FOXP1: variants seen among roughly 807,000 people sequenced by gnomAD.
The protein encoded by FOXP1 is forkhead box protein P1.
In FOXP1, 15 loss-of-function variants were observed where a neutral mutation model predicts 98.2. The ratio of observed to expected loss-of-function variants is 0.15; its 90% CI spans 0.10 to 0.24. The LOEUF is 0.24. Ranked by LOEUF, FOXP1 falls within the 10% of genes least tolerant of loss-of-function variation. The pLI is 1.00. For synonymous variants in FOXP1, 371 were observed against 314.5 expected (o/e 1.18, Z -1.90); for missense variants, 633 against 848.5 (o/e 0.75, Z 3.15).
intron 5 of FOXP1, among the ~76,000 whole-genome samples, chr3:71,240,633 C>CAGGGA (rs1272687611): frequency 1.3e-5 from 2 of 152,150 alleles, no homozygotes; most frequent in East Asian, 3.9e-4. Flanking sequence ...ACCTCCGCCT[C>CAGGGA]CGGGGTTCAC....
chr3:71,048,512 C>T (rs774603658), intron 9 of FOXP1, among the ~76,000 whole-genome samples: 3 of 152,008 alleles, frequency 2.0e-5, no homozygotes, highest in Non-Finnish European at 4.4e-5. Context: ...TTGAGTTTCA[C>T]TCCAAAAAAC....
chr3:71,151,364 C>T (rs2060564747), intron 6 of FOXP1, among the ~76,000 whole-genome samples: 1 of 152,158 alleles, frequency 6.6e-6, no homozygotes, highest in South Asian at 2.1e-4. Context: ...GGAACACTGC[C>T]TAGTTCAATG....
At position 71,220,752 on chromosome 3, in the gene FOXP1, CAAAATAAAAT is replaced by C. The variant is rs3033235; in HGVS notation, c.-11-22370_-11-22361del. On this transcript the variant is annotated intron_variant, in intron 5 of 20. Coordinates refer to ENST00000649528, the MANE Select transcript of FOXP1 (RefSeq NM_001349338.3). ...TGGGTGACTGAGTGAGACCCTGTCT[CAAAATAAAAT>C]AAAATAAAATAAAATAAAATAAAAT... Among the ~76,000 whole-genome samples, 608 of 132,790 alleles carry C rather than the reference CAAAATAAAAT, an allele frequency of 4.6e-3. 5 individuals are homozygous for C. Among genetic ancestry groups the C allele is most frequent in the African/African-American group, 0.015 (519 of 34,032 alleles). 87.1% of individuals were successfully genotyped at this position (132,790 alleles called of 152,430 possible). A position where few individuals can be genotyped will look rare whatever the true frequency, so the allele number is the denominator to read the frequency against.
intron 3 of FOXP1, among the ~76,000 whole-genome samples, chr3:71,426,409 G>A (rs2084158052): frequency 6.6e-6 from 1 of 152,146 alleles, no homozygotes; most frequent in Non-Finnish European, 1.5e-5. Flanking sequence ...ATTCAGGGGA[G>A]ACTATTCAAA....
At chr3:71,226,484 A>G (rs2106689699) in intron 5 of FOXP1, among the ~76,000 whole-genome samples, 1 of 152,118 alleles carries the variant, frequency 6.6e-6, no homozygotes, top group Non-Finnish European at 1.5e-5. Flanking sequence ...CACCTATGCA[A>G]GAGCCTCTTC....
chr3:71,006,092 T>A (rs62257222), intron 12 of FOXP1, among the ~76,000 whole-genome samples: 2 of 152,048 alleles, frequency 1.3e-5, no homozygotes, highest in African/African-American at 4.8e-5. Flanking sequence ...GAGTTGAAAT[T>A]TGAAGCAAGG....
chr3:71,438,092 T>TA (rs1284740423), intron 3 of FOXP1, among the ~76,000 whole-genome samples: 1 of 152,150 alleles, frequency 6.6e-6, no homozygotes, highest in Non-Finnish European at 1.5e-5. Flanking sequence ...GCAAACAAAA[T>TA]AATTGAACAA....
intron 13 of FOXP1, among the ~76,000 whole-genome samples, chr3:70,995,786 T>C (rs532342673): frequency 4.9e-4 from 75 of 152,246 alleles, no homozygotes; most frequent in African/African-American, 1.7e-3. Flanking sequence ...CAGTAGAAGG[T>C]TGCAACAAGA....
intron 7 of FOXP1, among the ~76,000 whole-genome samples, chr3:71,070,952 C>T (rs566963240): frequency 2.0e-5 from 3 of 152,256 alleles, no homozygotes; most frequent in South Asian, 4.1e-4. Flanking sequence ...AATCTTACAC[C>T]GGGGAAGCCG....
At chr3:71,052,664 A>G (rs1275507249) in intron 8 of FOXP1, 38 bp from the exon 9 acceptor site, 1 of 894,162 alleles carries the variant, frequency 1.1e-6, no homozygotes, top group South Asian at 1.3e-5. Flanking sequence ...AACAGAGGGT[A>G]GCGCCAATCC....
At position 71,523,181 on chromosome 3, in the gene FOXP1, G is replaced by A. The variant is rs541875478; in HGVS notation, c.-297-29626C>T. On this transcript the variant is annotated intron_variant, in intron 2 of 20. Coordinates refer to ENST00000649528, the MANE Select transcript of FOXP1 (RefSeq NM_001349338.3). ...GCAACGCTCCTACAAGTCAAGGAAT[G>A]GCAAACATTGCCAGCCCCTGCCAGG... Among the ~76,000 whole-genome samples, 62 of 152,132 alleles carry A rather than the reference G, an allele frequency of 4.1e-4. 1 individual carries two copies. Among genetic ancestry groups the A allele is most frequent in the Non-Finnish European group, 3.1e-4 (21 of 68,016 alleles).
At chr3:70,970,036 G>A (rs925030552) in intron 19 of FOXP1, 1 of 152,410 alleles carries the variant, frequency 6.6e-6, no homozygotes, top group Non-Finnish European at 1.5e-5. Flanking sequence ...AAGCTGGGCT[G>A]CCTCAGGTAG....
chr3:71,435,990 G>GGGAA (rs2085312163), intron 3 of FOXP1, among the ~76,000 whole-genome samples: 1 of 148,094 alleles, frequency 6.8e-6, no homozygotes, highest in Non-Finnish European at 1.5e-5. Flanking sequence ...GAGGGAAGGA[G>GGGAA]GGAGGGAGGA....
intron 20 of FOXP1, among the ~76,000 whole-genome samples, chr3:70,962,230 T>C (rs561489122): frequency 6.6e-6 from 1 of 152,348 alleles, no homozygotes; most frequent in East Asian, 1.9e-4. Context: ...CATATGTCAG[T>C]TTCTGAATAC....
At chr3:71,437,791 G>A (rs1269029351) in intron 3 of FOXP1, among the ~76,000 whole-genome samples, 2 of 152,132 alleles carry the variant, frequency 1.3e-5, no homozygotes, top group African/African-American at 4.8e-5. Context: ...CTCTGGCTGG[G>A]GCGTAAGAGA....
intron 7 of FOXP1, among the ~76,000 whole-genome samples, chr3:71,054,919 C>T (rs2050412408): frequency 6.6e-6 from 1 of 151,954 alleles, no homozygotes; most frequent in African/African-American, 2.4e-5. Flanking sequence ...GCTGTCATCT[C>T]ATGTATTACA....
At chr3:71,125,120 A>C (rs568314564) in intron 6 of FOXP1, among the ~76,000 whole-genome samples, 1 of 152,246 alleles carries the variant, frequency 6.6e-6, no homozygotes, top group Non-Finnish European at 1.5e-5. Context: ...CCAATTCTCA[A>C]TGCAGGAATG....
At chr3:71,172,518 T>C (rs1015260878) in intron 6 of FOXP1, among the ~76,000 whole-genome samples, 3 of 152,336 alleles carry the variant, frequency 2.0e-5, no homozygotes, top group African/African-American at 7.2e-5. Flanking sequence ...ACTTGCTTCC[T>C]CTAATACTCC....
intron 5 of FOXP1, among the ~76,000 whole-genome samples, chr3:71,299,221 C>T (rs1161575480): frequency 6.6e-6 from 1 of 152,228 alleles, no homozygotes; most frequent in Non-Finnish European, 1.5e-5. Context: ...ACTTTAGTCT[C>T]TCTGAAAACT....
Sources: allele counts gnomAD v4.1 joint callset (sites outside exome capture counted in the v4.1 genomes callset), GRCh38; gene constraint gnomAD v4.1.1; transcripts MANE v1.5; gene names NCBI Gene and HGNC (gene_info 2026-07-23, HGNC 2026-07-21).